Variants in CAMSAP1 observed in about 807,000 individuals in gnomAD.
CAMSAP1 encodes the protein calmodulin regulated spectrin associated protein 1.
Under a neutral mutation model 143.5 loss-of-function variants are expected in CAMSAP1, and 58 were observed. The ratio of observed to expected loss-of-function variants is 0.40; its 90% CI spans 0.33 to 0.50. CAMSAP1 has a LOEUF of 0.50. CAMSAP1 is among the 20% of genes least tolerant of loss of function. The pLI, the probability that CAMSAP1 is intolerant of heterozygous loss-of-function variation, is 0.45. For synonymous variants in CAMSAP1, 945 were observed against 859.3 expected (o/e 1.10, Z -1.74); for missense variants, 1,969 against 2,115.7 (o/e 0.93, Z 1.36).
At chr9:135,812,476 G>C (rs1442114503) in intron 16 of CAMSAP1, among the ~76,000 whole-genome samples, 1 of 152,150 alleles carries the variant, frequency 6.6e-6, no homozygotes, top group Non-Finnish European at 1.5e-5. Flanking sequence ...CATGGAGACA[G>C]ACTGGCGACC....
intron 1 of CAMSAP1, among the ~76,000 whole-genome samples, chr9:135,897,604 A>C (rs1838494749): frequency 6.6e-6 from 1 of 152,198 alleles, no homozygotes; most frequent in Non-Finnish European, 1.5e-5. Context: ...AATAGGTCAG[A>C]CAGAGAACTA....
At chr9:135,904,651 G>A (rs912699210) in intron 1 of CAMSAP1, among the ~76,000 whole-genome samples, 2 of 151,684 alleles carry the variant, frequency 1.3e-5, no homozygotes, top group African/African-American at 4.8e-5. Flanking sequence ...ACTATAGAAT[G>A]TAAAAGCCCT....
chr9:135,831,121 G>A lies in CAMSAP1; in HGVS notation c.1046-3537C>T, dbSNP rs142768094. ...TGGGAGGCGGAGGCTGCAGTGAGCC[G>A]AGATCGCTCCAGCCTGTGTGACAGA... On this transcript the variant is annotated intron_variant, in intron 7 of 16. Coordinates refer to ENST00000389532, the MANE Select transcript of CAMSAP1 (RefSeq NM_015447.4). 9.5e-4 allele frequency among the ~76,000 whole-genome samples: 144 copies of A among 152,272 alleles called. 1 individual carries two copies. In the East Asian group the frequency reaches 0.022, roughly 24 times the overall value.
At chr9:135,901,713 A>T (rs1838624234) in intron 1 of CAMSAP1, among the ~76,000 whole-genome samples, 1 of 151,978 alleles carries the variant, frequency 6.6e-6, no homozygotes, top group African/African-American at 2.4e-5. Context: ...ACCCACTCAA[A>T]CCTGCTAAAA....
At chr9:135,833,163 G>C (rs1835909538) in intron 7 of CAMSAP1, among the ~76,000 whole-genome samples, 1 of 147,526 alleles carries the variant, frequency 6.8e-6, no homozygotes, top group Non-Finnish European at 1.5e-5. Flanking sequence ...CTCACTGCAA[G>C]CTCCGCCTCC....
intron 7 of CAMSAP1, among the ~76,000 whole-genome samples, chr9:135,847,647 T>G (rs985037665): frequency 2.0e-5 from 3 of 148,298 alleles, no homozygotes; most frequent in Admixed American, 6.8e-5. Flanking sequence ...TAAGTGGGAG[T>G]TGAACAATGA....
intron 3 of CAMSAP1, among the ~76,000 whole-genome samples, chr9:135,868,608 A>ATTTTTT (rs1310387140): frequency 8.1e-6 from 1 of 123,204 alleles, no homozygotes; most frequent in Non-Finnish European, 1.8e-5. Context: ...TGAGATTGGC[A>ATTTTTT]ATTTTTTTTT....
chr9:135,889,150 C>T (rs1022269041), intron 1 of CAMSAP1, among the ~76,000 whole-genome samples: 5 of 152,198 alleles, frequency 3.3e-5, no homozygotes, highest in African/African-American at 1.2e-4. Flanking sequence ...AGCCCACAGC[C>T]CAGCCAGAGC....
intron 7 of CAMSAP1, among the ~76,000 whole-genome samples, chr9:135,838,103 C>A (rs1836169956): frequency 1.4e-5 from 2 of 148,062 alleles, no homozygotes; most frequent in Non-Finnish European, 1.5e-5. Flanking sequence ...GCACTTCCCA[C>A]CCATTCTACA....
intron 1 of CAMSAP1, among the ~76,000 whole-genome samples, chr9:135,895,393 T>A (rs544368154): frequency 1.3e-5 from 2 of 152,334 alleles, no homozygotes; most frequent in East Asian, 3.9e-4. Context: ...ACTTCTCATC[T>A]GAAGCTATGG....
In CAMSAP1 at chr9:135,822,908, T is replaced by C. The variant is rs1383927050; in HGVS notation, c.1753A>G (p.Ser585Gly). Residue 585 changes from serine to glycine, a missense_variant, in exon 11 of 17, where the codon AGT (serine) becomes GGT (glycine). Physicochemically the swap from Ser to Gly is moderately conservative, Grantham distance 56. Around this residue, in one of 4 missense-constraint regions of CAMSAP1, gnomAD observed 1,390 missense variants for 1,420.8 expected, o/e 0.98. Transcript: ENST00000389532. The surrounding 1 kb of genome is among the most constrained non-coding windows in gnomAD (Gnocchi z 6.1). ...TCCAAGAAAAAACTGTCAGGCTTAC[T>C]TTCCGAGGTGTCCAGCTGTCCTTGG... ...SPQGQLDTSE[S>G]KPDSFFLEPL... 3 of 1,613,942 alleles carry C rather than the reference T, an allele frequency of 1.9e-6. No homozygotes were observed. Among genetic ancestry groups the C allele is most frequent in the South Asian group, 2.2e-5 (2 of 91,080 alleles).
At chr9:135,904,026 G>A (rs1225289360) in intron 1 of CAMSAP1, among the ~76,000 whole-genome samples, 2 of 152,112 alleles carry the variant, frequency 1.3e-5, no homozygotes, top group Admixed American at 6.5e-5. Flanking sequence ...TCTGAATTAC[G>A]ATCTCTCCAA....
chr9:135,838,394 TAC>T (rs1450629292), intron 7 of CAMSAP1, among the ~76,000 whole-genome samples: 2 of 147,006 alleles, frequency 1.4e-5, no homozygotes, highest in Non-Finnish European at 3.0e-5. Context: ...CCACCCGTTC[TAC>T]AGACACACAT....
At chr9:135,878,679 T>C (rs1002906766) in intron 3 of CAMSAP1, among the ~76,000 whole-genome samples, 4 of 152,098 alleles carry the variant, frequency 2.6e-5, no homozygotes, top group African/African-American at 9.7e-5. Context: ...GGAGAGGGCC[T>C]AGGAACACAG....
At position 135,821,417 on chromosome 9, in the gene CAMSAP1, T is replaced by C. The variant is rs1835454688; in HGVS notation, c.3244A>G (p.Thr1082Ala). 4 of 1,613,826 alleles carry C rather than the reference T, an allele frequency of 2.5e-6. No individual in the cohort carries two copies. Among genetic ancestry groups the C allele is most frequent in the South Asian group, 1.1e-5 (1 of 91,088 alleles). Residue 1082 changes from threonine to alanine, a missense_variant, in exon 11 of 17, where the codon ACG (threonine) becomes GCG (alanine). Coordinates refer to ENST00000389532, the MANE Select transcript of CAMSAP1 (RefSeq NM_015447.4). This position sits in a 1 kb window ranked among gnomAD's most constrained non-coding sequence, Gnocchi z 4.6. ...PVHFVEPLSP[T>A]GVAGHRKAPR... is the part of the protein sequence containing the mutation. ...GCTTTGCGGTGGCCAGCCACGCCCG[T>C]GGGAGAGAGTGGCTCCACGAAGTGG...
Position 135,811,070 on chromosome 9 carries a change from A to T in CAMSAP1, c.*239T>A. On this transcript the variant is annotated 3_prime_UTR_variant, in exon 17 of 17. Transcript: ENST00000389532. The surrounding 1 kb of genome is among the most constrained non-coding windows in gnomAD (Gnocchi z 4.9). ...CCACAGCAGTGCGAGCCACTGCAAA[A>T]GCGGCATCTACTCCCCCATCCTCAC... The T allele has an allele frequency of 1.8e-6, 1 of 558,520 alleles. No homozygotes were observed. The highest frequency in any genetic ancestry group is 2.1e-5 in the South Asian group (1 of 47,244). 34.6% of individuals were successfully genotyped at this position (558,520 alleles called of 1,614,324 possible). A position where few individuals can be genotyped will look rare whatever the true frequency, so the allele number is the denominator to read the frequency against.
chr9:135,832,051 A>C (rs1239552576), intron 7 of CAMSAP1, among the ~76,000 whole-genome samples: 4 of 152,180 alleles, frequency 2.6e-5, no homozygotes, highest in African/African-American at 9.7e-5. Flanking sequence ...AAGAAGAAAC[A>C]CTTCTAAACT....
At chr9:135,879,252 A>C (rs1043428379) in intron 3 of CAMSAP1, among the ~76,000 whole-genome samples, 3 of 152,208 alleles carry the variant, frequency 2.0e-5, no homozygotes, top group African/African-American at 7.2e-5. Flanking sequence ...CATGGAAGGA[A>C]AATGATGTCT....
Position 135,821,094 on chromosome 9 carries a change from G to A in CAMSAP1, c.3567C>T (p.Asn1189=). ...TLTLSSSKDA[N]ILSEQMSLKE... Reference sequence around the variant, plus strand: ...TGAGGCTCATCTGCTCCGAAAGAATGTTGGCATCTTTGGAAGAGGACAGAG... The same window carrying A: ...TGAGGCTCATCTGCTCCGAAAGAATATTGGCATCTTTGGAAGAGGACAGAG... The change falls in exon 11 of 17, where the codon AAC becomes AAT. Residue 1189 remains asparagine, a synonymous_variant. Transcript: ENST00000389532. This position sits in a 1 kb window ranked among gnomAD's most constrained non-coding sequence, Gnocchi z 4.6. The A allele has an allele frequency of 6.2e-7, 1 of 1,613,952 alleles. No homozygotes were observed. Among genetic ancestry groups the A allele is most frequent in the Non-Finnish European group, 8.5e-7 (1 of 1,179,910 alleles).
Sources: allele counts gnomAD v4.1 joint callset (sites outside exome capture counted in the v4.1 genomes callset), GRCh38; gene constraint gnomAD v4.1.1; regional missense constraint gnomAD v4.1.1; non-coding constraint Gnocchi (gnomAD v3.1); transcripts MANE v1.5; gene names NCBI Gene and HGNC (gene_info 2026-07-23, HGNC 2026-07-21).